Variants in GNPTAB observed in about 807,000 individuals in gnomAD.
GNPTAB encodes N-acetylglucosamine-1-phosphotransferase subunits alpha/beta.
In GNPTAB, 92 loss-of-function variants were observed where a neutral mutation model predicts 136.6. The ratio of observed to expected loss-of-function variants is 0.67; its 90% CI spans 0.57 to 0.80. GNPTAB has a LOEUF of 0.80. GNPTAB is among the 30% of genes least tolerant of loss of function. The pLI is 0.00. For missense variants in GNPTAB, 1,343 were observed against 1,501.8 expected, an observed-to-expected ratio of 0.89 and a Z score of 1.75; for synonymous variants, 512 against 535.1, an observed-to-expected ratio of 0.96 and a Z score of 0.60.
At chr12:101,777,772 G>A (rs1460396108) in intron 7 of GNPTAB, among the ~76,000 whole-genome samples, 2 of 152,180 alleles carry the variant, frequency 1.3e-5, no homozygotes, top group Non-Finnish European at 2.9e-5. Context: ...AAAGCCTAAG[G>A]AAAGCAAGTC....
chr12:101,819,037 G>A (rs1176832041), intron 1 of GNPTAB, among the ~76,000 whole-genome samples: 1 of 150,974 alleles, frequency 6.6e-6, no homozygotes, highest in African/African-American at 2.4e-5. Context: ...TTGAGACAGA[G>A]TCTCGCTCTT....
intron 7 of GNPTAB, 165 bp downstream of exon 7, chr12:101,779,987 C>T: frequency 1.4e-6 from 1 of 706,558 alleles, no homozygotes; most frequent in Non-Finnish European, 2.4e-6. Context: ...TAGATTTTTG[C>T]CCAAATTAAA....
At position 101,770,418 on chromosome 12, in the gene GNPTAB, T is replaced by C; in HGVS notation, c.1101A>G (p.Ile367Met). Reference protein sequence around the residue: ...WLNLDNPRVTIVTHQDVFRNL... With the variant: ...WLNLDNPRVTMVTHQDVFRNL... ...GAAAGTCCTGTACCTGGTGTGTTAC[T>C]ATTGTCACTCGAGGATTGTCAAGGT... Residue 367 changes from isoleucine (I) to methionine (M), a missense_variant, in exon 9 of 21, where the codon ATA (isoleucine) becomes ATG (methionine). Coordinates refer to ENST00000299314, the MANE Select transcript of GNPTAB (RefSeq NM_024312.5). 1 of 1,611,848 alleles carries C rather than the reference T, an allele frequency of 6.2e-7. No individual in the cohort carries two copies. Among genetic ancestry groups the C allele is most frequent in the Non-Finnish European group, 8.5e-7 (1 of 1,177,862 alleles).
intron 1 of GNPTAB, among the ~76,000 whole-genome samples, chr12:101,807,617 G>A (rs1870000600): frequency 6.6e-6 from 1 of 152,008 alleles, no homozygotes; most frequent in South Asian, 2.1e-4. Flanking sequence ...AGCAAATATA[G>A]TAAGACTGCA....
intron 1 of GNPTAB, among the ~76,000 whole-genome samples, chr12:101,803,916 G>A (rs1264848969): frequency 6.6e-6 from 1 of 152,122 alleles, no homozygotes; most frequent in East Asian, 1.9e-4. Context: ...GAGTAGGGAA[G>A]AAAATTGTAT....
In GNPTAB at chr12:101,752,143, G is replaced by A. The variant is rs542744251; in HGVS notation, c.3602+1229C>T. Among the ~76,000 whole-genome samples, 4 of 152,270 alleles carry A rather than the reference G, an allele frequency of 2.6e-5. No individual in the cohort carries two copies. The South Asian group carries it at 8.3e-4, about 32-fold the overall frequency. Reference sequence around the variant, plus strand: ...AACAAATATAAGAATGAAAATTAGGGCCGGATACGGTGGCTCAGGCCTGTA... The same window carrying A: ...AACAAATATAAGAATGAAAATTAGGACCGGATACGGTGGCTCAGGCCTGTA... On this transcript the variant is annotated intron_variant, in intron 19 of 20. Transcript: ENST00000299314.
rs958175280 is a variant in GNPTAB at position 101,755,523 on chromosome 12, T to A, written c.3434+1689A>T. On this transcript the variant is annotated intron_variant, in intron 18 of 20. Transcript: ENST00000299314. ...ATGCTGAAGACAGGCTATTAGATGG[T>A]ATTATTTAACCAATGTTAAAGTTCT... is the stretch of plus-strand genomic sequence containing the variant. 1.8e-4 allele frequency among the ~76,000 whole-genome samples: 27 copies of A among 152,152 alleles called. 1 individual carries two copies. The highest frequency in any genetic ancestry group is 2.8e-4 in the Non-Finnish European group (19 of 68,018).
At chr12:101,788,645 T>C in intron 3 of GNPTAB, 56 bp from the exon 4 acceptor site, 1 of 888,068 alleles carries the variant, frequency 1.1e-6, no homozygotes, top group Non-Finnish European at 1.9e-6. Context: ...TACCTCCCAC[T>C]GTAACCAAGA....
At chr12:101,803,672 T>C (rs1431556272) in intron 1 of GNPTAB, among the ~76,000 whole-genome samples, 1 of 152,188 alleles carries the variant, frequency 6.6e-6, no homozygotes, top group Non-Finnish European at 1.5e-5. Flanking sequence ...GAAGACAAAA[T>C]GGAAATCAGG....
chr12:101,756,484 G>A (rs1221770153), intron 18 of GNPTAB: 2 of 397,248 alleles, frequency 5.0e-6, no homozygotes, highest in Non-Finnish European at 9.9e-6. Flanking sequence ...TGAGGTGGGA[G>A]GATTGCTTGA....
chr12:101,757,782 T>G, intron 16 of GNPTAB, 125 bp from the exon 17 acceptor site: 2 of 698,038 alleles, frequency 2.9e-6, no homozygotes, highest in South Asian at 3.0e-5. Context: ...AAACACCAAC[T>G]GTGACTACAT....
intron 1 of GNPTAB, among the ~76,000 whole-genome samples, chr12:101,807,601 CA>C (rs2137170955): frequency 6.6e-6 from 1 of 152,050 alleles, no homozygotes; most frequent in East Asian, 1.9e-4. Flanking sequence ...AAATCTGAAA[CA>C]AATAAGCAAA....
At chr12:101,822,550 A>T (rs1870866334) in intron 1 of GNPTAB, among the ~76,000 whole-genome samples, 1 of 152,228 alleles carries the variant, frequency 6.6e-6, no homozygotes, top group Non-Finnish European at 1.5e-5. Context: ...AGGAGGGATC[A>T]GAAACAGGTT....
chr12:101,829,121 C>T (rs879925797), intron 1 of GNPTAB, among the ~76,000 whole-genome samples: 5 of 152,162 alleles, frequency 3.3e-5, no homozygotes, highest in Non-Finnish European at 5.9e-5. Flanking sequence ...CATTTCAGGA[C>T]TGCAACAAAA....
chr12:101,796,612 A>C (rs918566502), intron 2 of GNPTAB, 65 bp downstream of exon 2: 2 of 1,027,346 alleles, frequency 1.9e-6, no homozygotes, highest in African/African-American at 3.1e-5. Context: ...TCATATTTAC[A>C]GGATGGCTAT....
intron 1 of GNPTAB, among the ~76,000 whole-genome samples, chr12:101,802,665 T>G (rs935774143): frequency 6.6e-6 from 1 of 152,210 alleles, no homozygotes; most frequent in African/African-American, 2.4e-5. Context: ...AAGAACCTAA[T>G]GTACAACTAT....
At chr12:101,760,255 AAG>A (rs1952973242) in intron 15 of GNPTAB, 112 bp from the exon 16 acceptor site, 1 of 731,236 alleles carries the variant, frequency 1.4e-6, no homozygotes, top group Admixed American at 1.9e-5. Context: ...GCTATCTTCA[AAG>A]AGAGTCTGAC....
chr12:101,821,050 T>C (rs1594261830), intron 1 of GNPTAB, among the ~76,000 whole-genome samples: 3 of 99,986 alleles, frequency 3.0e-5, no homozygotes, highest in Non-Finnish European at 3.6e-5. Context: ...AGAGTGAGAC[T>C]CCGTCTCAAA....
intron 18 of GNPTAB, 33 bp downstream of exon 18, chr12:101,757,179 G>T: frequency 8.9e-7 from 1 of 1,120,916 alleles, no homozygotes. Context: ...AGGTTTATTT[G>T]CATAATTAAA....
Sources: allele counts gnomAD v4.1 joint callset (sites outside exome capture counted in the v4.1 genomes callset), GRCh38; gene constraint gnomAD v4.1.1; transcripts MANE v1.5; gene names NCBI Gene and HGNC (gene_info 2026-07-23, HGNC 2026-07-21).